Variants in RSPH14 observed in about 807,000 individuals in gnomAD.
The protein encoded by RSPH14 is rhabdoid tumor deletion region gene 1.
A neutral mutation model predicts 26.7 loss-of-function variants in RSPH14; 20 were observed. That is an observed-to-expected ratio of 0.75 (90% confidence interval 0.53 to 1.09). RSPH14 has a LOEUF of 1.09. RSPH14 is among the 50% of genes least tolerant of loss of function. The pLI is 0.00. For missense variants in RSPH14, 449 were observed against 457.2 expected, an observed-to-expected ratio of 0.98 and a Z score of 0.16; for synonymous variants, 177 against 189.3, an observed-to-expected ratio of 0.93 and a Z score of 0.53.
the RSPH14 span, among the ~76,000 whole-genome samples, chr22:23,156,525 C>T: frequency 2.0e-5 from 3 of 152,110 alleles, no homozygotes; most frequent in Admixed American, 6.5e-5. Context: ...CAGGGCTCAC[C>T]GTCAGCAGGG....
At chr22:23,168,152 C>T in the RSPH14 span, among the ~76,000 whole-genome samples, 5 of 152,184 alleles carry the variant, frequency 3.3e-5, no homozygotes, top group East Asian at 3.8e-4. Context: ...TCACTCCTCC[C>T]GCAGCCCACA....
chr22:23,161,859 A>ACAGT, the RSPH14 span: 2 of 413,978 alleles, frequency 4.8e-6, no homozygotes, highest in African/African-American at 2.0e-5. Flanking sequence ...GGGTCATCAG[A>ACAGT]CAGTCACCTT....
chr22:23,095,909 C>A (rs1318832362), intron 4 of RSPH14: 5 of 1,613,766 alleles, frequency 3.1e-6, no homozygotes, highest in Non-Finnish European at 4.2e-6. Context: ...GTACAAGCCC[C>A]TCATCATCTA....
intron 4 of RSPH14, among the ~76,000 whole-genome samples, chr22:23,113,273 A>G (rs573548293): frequency 6.6e-6 from 1 of 152,308 alleles, no homozygotes; most frequent in South Asian, 2.1e-4. Context: ...TGCTGGTCCC[A>G]GCATCCTTCT....
intron 5 of RSPH14, among the ~76,000 whole-genome samples, chr22:23,062,345 G>A (rs1396345407): frequency 6.6e-6 from 1 of 152,218 alleles, no homozygotes; most frequent in African/African-American, 2.4e-5. Flanking sequence ...GCAGCTGCCG[G>A]GCACTGGGCA....
chr22:23,060,684 C>G (rs2068076523), intron 6 of RSPH14, among the ~76,000 whole-genome samples: 1 of 152,132 alleles, frequency 6.6e-6, no homozygotes, highest in South Asian at 2.1e-4. Flanking sequence ...TGCCAACTCC[C>G]ATTGTCCTTG....
At chr22:23,165,199 AAAG>A in the RSPH14 span, among the ~76,000 whole-genome samples, 1 of 152,208 alleles carries the variant, frequency 6.6e-6, no homozygotes, top group African/African-American at 2.4e-5. Context: ...ATAGATGTGT[AAAG>A]AAGGCAGGGA....
chr22:23,105,601 G>C (rs181848705), intron 4 of RSPH14, among the ~76,000 whole-genome samples: 1 of 152,316 alleles, frequency 6.6e-6, no homozygotes, highest in East Asian at 1.9e-4. Context: ...GGGTTCCTGG[G>C]GATCCTCTGG....
chr22:23,155,163 T>C, the RSPH14 span, among the ~76,000 whole-genome samples: 1 of 152,182 alleles, frequency 6.6e-6, no homozygotes, highest in African/African-American at 2.4e-5. Flanking sequence ...GATGTCTTGT[T>C]TGTGACTTGT....
intron 4 of RSPH14, among the ~76,000 whole-genome samples, chr22:23,115,009 G>T (rs1601828191): frequency 6.6e-6 from 1 of 152,190 alleles, no homozygotes; most frequent in Admixed American, 6.5e-5. Flanking sequence ...CTGGTTCCAG[G>T]AAGAGCTGAA....
At chr22:23,166,347 TGG>T in the RSPH14 span, among the ~76,000 whole-genome samples, 2 of 56,552 alleles carry the variant, frequency 3.5e-5, no homozygotes, top group Non-Finnish European at 6.7e-5. Flanking sequence ...TCTGATGCAT[TGG>T]GGGCCAATAT....
At chr22:23,158,011 C>G in the RSPH14 span, 1 of 1,614,204 alleles carries the variant, frequency 6.2e-7, no homozygotes, top group South Asian at 1.1e-5. Flanking sequence ...CGGCCTTTGA[C>G]CTCACTGACG....
At position 23,115,107 on chromosome 22, in the gene RSPH14, G is replaced by T. The variant is rs150196821; in HGVS notation, c.421+18919C>A. ...CTCTGTGCTGTGGCCACAGCAAACT[G>T]CATGGGGTCCTGTGGAGTAAGGGAC... On this transcript the variant is annotated intron_variant, in intron 4 of 6. Coordinates refer to ENST00000216036, the MANE Select transcript of RSPH14 (RefSeq NM_014433.3). 4.4e-3 allele frequency among the ~76,000 whole-genome samples: 677 copies of T among 152,304 alleles called. 7 individuals carry two copies. The highest frequency in any genetic ancestry group is 0.015 in the African/African-American group (644 of 41,566).
chr22:23,144,310 C>G (rs753158569), upstream of RSPH14, among the ~76,000 whole-genome samples: 2 of 152,130 alleles, frequency 1.3e-5, no homozygotes, highest in African/African-American at 4.8e-5. Flanking sequence ...ACACCATGTC[C>G]GTTCTCTTTC....
chr22:23,139,879 A>T (rs2070559254), intron 2 of RSPH14, among the ~76,000 whole-genome samples: 1 of 152,182 alleles, frequency 6.6e-6, no homozygotes, highest in Non-Finnish European at 1.5e-5. Flanking sequence ...TGGGCAACAC[A>T]GCAAGATCTT....
intron 4 of RSPH14, chr22:23,070,230 G>A (rs979019625): frequency 6.6e-5 from 10 of 150,406 alleles, no homozygotes; most frequent in Non-Finnish European, 1.3e-4. Flanking sequence ...GGAGGTGCCC[G>A]GCGCGTGGTG....
At chr22:23,092,281 G>A (rs1601785302) in intron 4 of RSPH14, among the ~76,000 whole-genome samples, 1 of 152,304 alleles carries the variant, frequency 6.6e-6, no homozygotes, top group Admixed American at 6.5e-5. Flanking sequence ...GAATAGGTGG[G>A]ACTGTCATAA....
intron 4 of RSPH14, among the ~76,000 whole-genome samples, chr22:23,114,675 G>A (rs1363175532): frequency 1.3e-5 from 2 of 152,246 alleles, no homozygotes; most frequent in Admixed American, 1.3e-4. Context: ...CCCTCACGAG[G>A]GAAGTATGCT....
chr22:23,089,798 G>A (rs923933116), intron 4 of RSPH14, among the ~76,000 whole-genome samples: 3 of 152,152 alleles, frequency 2.0e-5, no homozygotes, highest in Non-Finnish European at 4.4e-5. Flanking sequence ...CTCAGGGCTT[G>A]GAGATCGTGC....
Sources: allele counts gnomAD v4.1 joint callset (sites outside exome capture counted in the v4.1 genomes callset), GRCh38; gene constraint gnomAD v4.1.1; transcripts MANE v1.5; gene names NCBI Gene and HGNC (gene_info 2026-07-23, HGNC 2026-07-21).